RPS6KA2: variants seen among roughly 807,000 people sequenced by gnomAD.
RPS6KA2 encodes ribosomal protein S6 kinase alpha-2.
RPS6KA2 carries 42 observed loss-of-function variants against 91.8 expected under a neutral mutation model. The observed-to-expected ratio is 0.46, with a 90% confidence interval of 0.36 to 0.59. The LOEUF is 0.59. Among genes scored for constraint, RPS6KA2 ranks in the 20% least tolerant of loss-of-function variants. The pLI is 0.00. For missense variants in RPS6KA2, 798 were observed against 978.5 expected (o/e 0.82, Z 2.46); for synonymous variants, 414 against 393.6 (o/e 1.05, Z -0.61).
intron 2 of RPS6KA2, among the ~76,000 whole-genome samples, chr6:166,640,143 T>C (rs1347824974): frequency 1.3e-5 from 2 of 151,702 alleles, no homozygotes; most frequent in Non-Finnish European, 2.9e-5. Context: ...TATAGAGGAA[T>C]TCAAAAGGAA....
intron 2 of RPS6KA2, among the ~76,000 whole-genome samples, chr6:166,773,782 G>A (rs971478050): frequency 2.6e-5 from 4 of 152,048 alleles, no homozygotes; most frequent in African/African-American, 4.8e-5. Flanking sequence ...CGTTTAACAT[G>A]AATTTATTAT....
intron 1 of RPS6KA2, among the ~76,000 whole-genome samples, chr6:166,616,695 T>G (rs1398973782): frequency 6.6e-6 from 1 of 152,196 alleles, no homozygotes; most frequent in Non-Finnish European, 1.5e-5. Context: ...CCCACAGCTC[T>G]GAGCTGCATG....
In RPS6KA2 at chr6:166,594,704, C is replaced by T. The variant is rs140510598; in HGVS notation, c.99+32217G>A. ...GTCTCGATCTCCTGACCTCGTGATC[C>T]GCCCGCCTCGGCCTCCCAAAGTGCT... On this transcript the variant is annotated intron_variant, in intron 1 of 20. Transcript: ENST00000265678. Among the ~76,000 whole-genome samples, 1,297 of 152,286 alleles carry T rather than the reference C, an allele frequency of 8.5e-3. 11 individuals are homozygous for T. The highest frequency in any genetic ancestry group is 0.017 in the Middle Eastern group (5 of 294).
intron 1 of RPS6KA2, among the ~76,000 whole-genome samples, chr6:166,579,012 T>C (rs9459697): frequency 0.03 from 4,533 of 152,154 alleles, 200 homozygotes; most frequent in South Asian, 0.11. Flanking sequence ...AGGCCCAGGT[T>C]AGAAGGAAAC....
intron 19 of RPS6KA2, among the ~76,000 whole-genome samples, chr6:166,416,448 A>T (rs1778527601): frequency 6.6e-6 from 1 of 150,580 alleles, no homozygotes; most frequent in Non-Finnish European, 1.5e-5. Context: ...AATCACTACC[A>T]TCATCTCTCA....
chr6:166,787,975 C>CA (rs3066794), intron 2 of RPS6KA2, among the ~76,000 whole-genome samples: 12,846 of 78,820 alleles, frequency 0.16, 961 homozygotes, highest in East Asian at 0.46. Context: ...AACAAATTTA[C>CA]AAAAAAAAAA....
At chr6:166,535,561 C>G (rs1300484944) in intron 2 of RPS6KA2, among the ~76,000 whole-genome samples, 3 of 152,224 alleles carry the variant, frequency 2.0e-5, no homozygotes, top group East Asian at 1.9e-4. Context: ...CTATCCTACT[C>G]CTGGCACTTA....
chr6:166,531,424 A>G, intron 2 of RPS6KA2, 111 bp from the exon 3 acceptor site: 1 of 820,138 alleles, frequency 1.2e-6, no homozygotes, highest in Non-Finnish European at 2.1e-6. Flanking sequence ...TCAATAAAAC[A>G]AGTACACTGG....
At chr6:166,734,856 T>C (rs1240606912) in intron 2 of RPS6KA2, among the ~76,000 whole-genome samples, 5 of 152,216 alleles carry the variant, frequency 3.3e-5, no homozygotes, top group Non-Finnish European at 7.3e-5. Flanking sequence ...CATCCTCACC[T>C]TTACCATGAC....
chr6:166,782,178 G>A lies in RPS6KA2; in HGVS notation c.123+76022C>T, dbSNP rs569214767. Among the ~76,000 whole-genome samples, 12 of 152,168 alleles carry A rather than the reference G, an allele frequency of 7.9e-5. No homozygotes were observed. The East Asian group carries it at 1.7e-3, about 22-fold the overall frequency. On this transcript the variant is annotated intron_variant, in intron 2 of 21. Transcript: ENST00000503859. ...GTAGTGGTGAGCGCCTGTAACCCCC[G>A]CTACTCAGGAGACTGAGGCACGAGA...
intron 2 of RPS6KA2, among the ~76,000 whole-genome samples, chr6:166,669,833 C>T (rs1276995009): frequency 6.6e-6 from 1 of 152,228 alleles, no homozygotes; most frequent in Admixed American, 6.5e-5. Context: ...TACCGAGGTC[C>T]AGGGTAGGCC....
intron 2 of RPS6KA2, among the ~76,000 whole-genome samples, chr6:166,534,221 CAAAAAAAAAAAAAA>C (rs34585369): frequency 1.2e-4 from 7 of 59,358 alleles, no homozygotes. Context: ...GACTCTGTCT[CAAAAAAAAAAAAAA>C]AAAAAAAAAA....
intron 10 of RPS6KA2, among the ~76,000 whole-genome samples, chr6:166,470,762 G>T (rs1052065172): frequency 6.6e-6 from 1 of 152,210 alleles, no homozygotes; most frequent in Non-Finnish European, 1.5e-5. Flanking sequence ...TCGGGAAAGC[G>T]GTGGGGCAGG....
intron 1 of RPS6KA2, among the ~76,000 whole-genome samples, chr6:166,574,677 T>C (rs1784789829): frequency 6.6e-6 from 1 of 152,232 alleles, no homozygotes; most frequent in African/African-American, 2.4e-5. Context: ...ATATACCCAG[T>C]AATGGAATTG....
intron 2 of RPS6KA2, chr6:166,702,625 T>G: frequency 1.3e-6 from 2 of 1,572,114 alleles, no homozygotes; most frequent in Non-Finnish European, 1.8e-6. Flanking sequence ...TGGGACCGAG[T>G]GCTCAACTTC....
intron 3 of RPS6KA2, among the ~76,000 whole-genome samples, chr6:166,514,877 G>C (rs923266458): frequency 1.3e-5 from 2 of 152,192 alleles, no homozygotes; most frequent in Non-Finnish European, 2.9e-5. Flanking sequence ...GGAGAAATTA[G>C]CCAGGAGAGA....
chr6:166,658,721 G>T (rs1371592198), intron 2 of RPS6KA2, among the ~76,000 whole-genome samples: 1 of 152,174 alleles, frequency 6.6e-6, no homozygotes, highest in African/African-American at 2.4e-5. Context: ...AGAGTGGTTT[G>T]TGGTGTTGAA....
At chr6:166,489,039 T>C in intron 9 of RPS6KA2, 118 bp from the exon 10 acceptor site, 2 of 803,516 alleles carry the variant, frequency 2.5e-6, no homozygotes, top group South Asian at 1.6e-5. Flanking sequence ...GCCCGTGCTC[T>C]ACCACGTGGG....
At chr6:166,521,704 G>A (rs959871372) in intron 3 of RPS6KA2, among the ~76,000 whole-genome samples, 16 of 152,232 alleles carry the variant, frequency 1.1e-4, no homozygotes, top group Non-Finnish European at 8.8e-5. Flanking sequence ...GAAACCATAT[G>A]ATTTGGATGA....
Sources: gnomAD v4.1 joint callset for allele counts (sites outside exome capture counted in the v4.1 genomes callset) on GRCh38, gnomAD v4.1.1 for gene constraint, MANE v1.5 for transcripts, NCBI Gene and HGNC (gene_info 2026-07-23, HGNC 2026-07-21) for gene names.